Variants in CLSTN3 observed in about 807,000 individuals in gnomAD.
CLSTN3 encodes the protein calsyntenin 3, also known as calsyntenin-3.
In CLSTN3, 36 loss-of-function variants were observed where a neutral mutation model predicts 95.9. The ratio of observed to expected loss-of-function variants is 0.38; its 90% CI spans 0.29 to 0.50. The LOEUF (loss-of-function observed/expected upper bound fraction) is 0.50. CLSTN3 is among the 20% of genes least tolerant of loss of function. The pLI is 0.95. For missense variants in CLSTN3, 1,084 were observed against 1,268.8 expected (o/e 0.85, Z 2.21); for synonymous variants, 481 against 504.0 (o/e 0.95, Z 0.61).
Position 7,141,177 on chromosome 12 carries a change from G to C in CLSTN3, c.1324-65G>C. 6.5e-7 allele frequency: 1 copy of C among 1,536,234 alleles called. No individual in the cohort carries two copies. Among genetic ancestry groups the C allele is most frequent in the Non-Finnish European group, 8.9e-7 (1 of 1,127,338 alleles). On this transcript the variant is annotated intron_variant, in intron 8 of 17. Coordinates refer to ENST00000266546, the MANE Select transcript of CLSTN3 (RefSeq NM_014718.4). This position sits in a 1 kb window ranked among gnomAD's most constrained non-coding sequence, Gnocchi z 4.1. Reference sequence around the variant, plus strand: ...CCTGTCTCCCAGGAGATGGGGCAGTGCCTAGGGTTAGCTCTCTGAAGACGA... The same window carrying C: ...CCTGTCTCCCAGGAGATGGGGCAGTCCCTAGGGTTAGCTCTCTGAAGACGA...
Position 7,149,212 on chromosome 12 carries a change from C to T in CLSTN3, c.2074+14C>T, listed in dbSNP as rs901896547. ...GGCAGGGCACAGGTAAGGACGACTTCGGGGAGTAACACCATCCAGAGAACC... is the reference window on the plus strand; with the variant it reads ...GGCAGGGCACAGGTAAGGACGACTTTGGGGAGTAACACCATCCAGAGAACC... On this transcript the variant is annotated intron_variant, in intron 13 of 17. Coordinates refer to ENST00000266546, the MANE Select transcript of CLSTN3 (RefSeq NM_014718.4). The surrounding 1 kb of genome is among the most constrained non-coding windows in gnomAD (Gnocchi z 4.5). 6.6e-6 allele frequency: 10 copies of T among 1,524,168 alleles called. No homozygotes were observed. Among genetic ancestry groups the T allele is most frequent in the Admixed American group, 1.8e-5 (1 of 56,714 alleles). The allele number at this position is 1,524,168 out of a possible 1,614,324, so 94.4% of individuals were successfully genotyped here.
chr12:7,136,372 G>T lies in CLSTN3; in HGVS notation c.909G>T (p.Arg303=), dbSNP rs1392569228. 6.2e-7 allele frequency: 1 copy of T among 1,612,496 alleles called. No individual in the cohort carries two copies. The highest frequency in any genetic ancestry group is 2.2e-5 in the East Asian group (1 of 44,866). ...KGCDRDNYSE[R]ALRKLCGAAT... Reference sequence around the variant, plus strand: ...GTGACCGTGACAACTACTCAGAGCGGGCGCTGCGGAAACTCTGTGGTAGGT... The same window carrying T: ...GTGACCGTGACAACTACTCAGAGCGTGCGCTGCGGAAACTCTGTGGTAGGT... The change falls in exon 6 of 18, where the codon CGG becomes CGT. Residue 303 remains arginine, a synonymous_variant. Coordinates refer to ENST00000266546, the MANE Select transcript of CLSTN3 (RefSeq NM_014718.4).
chr12:7,156,525 T>A (rs1939819564), intron 16 of CLSTN3: 1 of 456,664 alleles, frequency 2.2e-6, no homozygotes, highest in Non-Finnish European at 4.4e-6. Context: ...CCCAGACGCG[T>A]TCCTTTACTC....
At position 7,133,215 on chromosome 12, in the gene CLSTN3, G is replaced by A; in HGVS notation, c.187+69G>A. On this transcript the variant is annotated intron_variant, in intron 2 of 17. Transcript: ENST00000266546. This position sits in a 1 kb window ranked among gnomAD's most constrained non-coding sequence, Gnocchi z 4.7. The stretch of plus-strand genomic sequence containing the variant: ...AAGTGGGTGGGAGGGCCAAGAGCAA[G>A]GGAGGGAGGGAAGGTCCTGGGAGTG... 3 of 1,565,414 alleles carry A rather than the reference G, an allele frequency of 1.9e-6. No homozygotes were observed.
rs1939351698 is a variant in CLSTN3 at position 7,133,751 on chromosome 12, C to A, written c.366C>A (p.Asn122Lys). Reference protein sequence around the residue: ...YDCGEGPDGANTKKSHKATVH... With the variant: ...YDCGEGPDGAKTKKSHKATVH... Reference sequence around the variant, plus strand: ...GTGGCGAGGGCCCCGACGGGGCCAACACCAAGAAGTCCCACAAGTGAGGAA... The same window carrying A: ...GTGGCGAGGGCCCCGACGGGGCCAAAACCAAGAAGTCCCACAAGTGAGGAA... The change falls in exon 3 of 18, where the codon AAC (asparagine) becomes AAA (lysine). Residue 122 changes from asparagine to lysine, a missense_variant. Asn to Lys is a moderately conservative substitution (Grantham distance 94). Coordinates refer to ENST00000266546, the MANE Select transcript of CLSTN3 (RefSeq NM_014718.4). This position sits in a 1 kb window ranked among gnomAD's most constrained non-coding sequence, Gnocchi z 4.7. The A allele has an allele frequency of 6.3e-7, 1 of 1,580,118 alleles. No homozygotes were observed. The highest frequency in any genetic ancestry group is 8.6e-7 in the Non-Finnish European group (1 of 1,166,470).
intron 5 of CLSTN3, 88 bp downstream of exon 5, chr12:7,136,041 G>T: frequency 6.5e-7 from 1 of 1,528,620 alleles, no homozygotes; most frequent in Non-Finnish European, 8.8e-7. Flanking sequence ...TGGGGGCCAG[G>T]CTAGGGCTTG....
At chr12:7,143,064 G>C in intron 11 of CLSTN3, 38 bp downstream of exon 11, 3 of 1,599,796 alleles carry the variant, frequency 1.9e-6, no homozygotes, top group Non-Finnish European at 2.6e-6. Context: ...TTCCCAGCAT[G>C]CCCCTTGCCC....
chr12:7,130,112 AC>A, upstream of CLSTN3: 1 of 169,830 alleles, frequency 5.9e-6, no homozygotes, highest in South Asian at 9.8e-5. Flanking sequence ...TCTCTTCCCC[AC>A]CCCCTGGCTT....
rs200459589 is a variant in CLSTN3 at position 7,158,112 on chromosome 12, A to T, written c.*31A>T. On this transcript the variant is annotated 3_prime_UTR_variant, in exon 18 of 18. Coordinates refer to ENST00000266546, the MANE Select transcript of CLSTN3 (RefSeq NM_014718.4). ...ACACCTCTCCCCACGCAGAGGGGGA[A>T]TTCTGCCCTGGTGAAACAGACACTC... 1.3e-4 allele frequency: 188 copies of T among 1,474,962 alleles called. No homozygotes were observed. The highest frequency in any genetic ancestry group is 1.6e-4 in the Non-Finnish European group (179 of 1,104,454). The allele number at this position is 1,474,962 out of a possible 1,614,324, so 91.4% of individuals were successfully genotyped here.
At position 7,139,040 on chromosome 12, in the gene CLSTN3, C is replaced by A. The variant is rs572009618; in HGVS notation, c.1323+973C>A. Among the ~76,000 whole-genome samples the A allele has an allele frequency of 2.5e-4, 38 of 152,246 alleles. No homozygotes were observed. The South Asian group carries it at 7.7e-3, about 31-fold the overall frequency. On this transcript the variant is annotated intron_variant, in intron 8 of 17. Coordinates refer to ENST00000266546, the MANE Select transcript of CLSTN3 (RefSeq NM_014718.4). The stretch of plus-strand genomic sequence containing the variant: ...ACCCTTGCTATCTTTCTTCAATTCA[C>A]CCTCATTTAATCAACCAGTATCTAT...
Position 7,135,935 on chromosome 12 carries a change from T to C in CLSTN3, c.724T>C (p.Cys242Arg). ...AEVEIQVKPT[C>R]KPSWQGWNKR... Reference sequence around the variant, plus strand: ...GGTGGAGATTCAGGTGAAGCCCACCTGTAAACCCAGCTGGCAAGGTGAGAG... The same window carrying C: ...GGTGGAGATTCAGGTGAAGCCCACCCGTAAACCCAGCTGGCAAGGTGAGAG... The change falls in exon 5 of 18, where the codon TGT becomes CGT. Residue 242 changes from cysteine to arginine, a missense_variant. By Grantham distance (180) the Cys-to-Arg change is radical. Coordinates refer to ENST00000266546, the MANE Select transcript of CLSTN3 (RefSeq NM_014718.4). 6.2e-7 allele frequency: 1 copy of C among 1,610,356 alleles called. No homozygotes were observed. Among genetic ancestry groups the C allele is most frequent in the Non-Finnish European group, 8.5e-7 (1 of 1,178,616 alleles).
intron 11 of CLSTN3, 43 bp from the exon 12 acceptor site, chr12:7,143,120 C>CCTCCTGGCCCTGCTCTCAGCTGTATT: frequency 1.2e-6 from 2 of 1,602,578 alleles, no homozygotes; most frequent in Non-Finnish European, 1.7e-6. Context: ...TCCTCTGCCA[C>CCTCCTGGCCCTGCTCTCAGCTGTATT]CTCCTGGCCC....
At chr12:7,138,141 A>G in intron 8 of CLSTN3, 74 bp downstream of exon 8, 6 of 1,158,174 alleles carry the variant, frequency 5.2e-6, no homozygotes, top group Non-Finnish European at 7.6e-6. Context: ...TTCTCTGGGC[A>G]GGGTCAGCAT....
chr12:7,137,990 G>C lies in CLSTN3; in HGVS notation c.1246G>C (p.Gly416Arg). 2 of 1,613,884 alleles carry C rather than the reference G, an allele frequency of 1.2e-6. No homozygotes were observed. The highest frequency in any genetic ancestry group is 1.1e-5 in the South Asian group (1 of 91,078). Residue 416 changes from glycine (G) to arginine (R), a missense_variant, in exon 8 of 18, where the codon GGC becomes CGC. Physicochemically the swap from Gly to Arg is moderately radical, Grantham distance 125. Transcript: ENST00000266546. This position sits in a 1 kb window ranked among gnomAD's most constrained non-coding sequence, Gnocchi z 4.4. The part of the protein sequence containing the change: ...GFSHYSLTVH[G>R]CRIAFLYWPL... ...CTCTCACTACTCGCTGACTGTCCAC[G>C]GCTGTAGGATTGCCTTCCTCTACTG...
At position 7,157,337 on chromosome 12, in the gene CLSTN3, G is replaced by C; in HGVS notation, c.2528-152G>C. On this transcript the variant is annotated intron_variant, in intron 16 of 17. Coordinates refer to ENST00000266546, the MANE Select transcript of CLSTN3 (RefSeq NM_014718.4). The surrounding 1 kb of genome is among the most constrained non-coding windows in gnomAD (Gnocchi z 5.9). Reference sequence around the variant, plus strand: ...TTCCTGGTGGGCTGTTTCTCTTCTGGCTTCTCCAGGTGTTCCTCTCTTCTC... The same window carrying C: ...TTCCTGGTGGGCTGTTTCTCTTCTGCCTTCTCCAGGTGTTCCTCTCTTCTC... 1 of 625,284 alleles carries C rather than the reference G, an allele frequency of 1.6e-6. No individual in the cohort carries two copies. Among genetic ancestry groups the C allele is most frequent in the Non-Finnish European group, 2.6e-6 (1 of 378,646 alleles). 38.7% of individuals were successfully genotyped at this position (625,284 alleles called of 1,614,324 possible).
Position 7,149,156 on chromosome 12 carries a change from C to T in CLSTN3, c.2032C>T (p.His678Tyr), listed in dbSNP as rs756578854. The T allele has an allele frequency of 4.3e-6, 7 of 1,614,152 alleles. No individual in the cohort carries two copies. The East Asian group carries it at 1.3e-4, about 31-fold the overall frequency. ...TCTTCAAATCACCTGCTCCATTTCTCACCAGGTGGAGGCCAAAAAGGATGA... is the reference window on the plus strand; with the variant it reads ...TCTTCAAATCACCTGCTCCATTTCTTACCAGGTGGAGGCCAAAAAGGATGA... ...PDLQITCSISHQVEAKKDESW... is the reference protein window; with the variant it reads ...PDLQITCSISYQVEAKKDESW... Residue 678 changes from histidine (H) to tyrosine (Y), a missense_variant, in exon 13 of 18, where the codon CAC (histidine) becomes TAC (tyrosine). Transcript: ENST00000266546. This position sits in a 1 kb window ranked among gnomAD's most constrained non-coding sequence, Gnocchi z 4.5.
At chr12:7,129,576 G>T, upstream of CLSTN3, 1 of 981,294 alleles carries the variant, frequency 1.0e-6, no homozygotes, top group South Asian at 4.7e-5. This position sits in a 1 kb window ranked among gnomAD's most constrained non-coding sequence, Gnocchi z 5.5. Context: ...CTCCCTCTGA[G>T]TCATCGATGA....
At position 7,158,056 on chromosome 12, in the gene CLSTN3, T is replaced by C; in HGVS notation, c.2846T>C (p.Ile949Thr). ...CCCAGCAGCGACGAGAGACGCATCA[T>C]CGAGACCCCCCCACACCGCTACTAA... ...DSPSSDERRI[I>T]ETPPHRY The change falls in exon 18 of 18, where the codon ATC becomes ACC. Residue 949 changes from isoleucine (I) to threonine (T), a missense_variant. Transcript: ENST00000266546. The C allele has an allele frequency of 6.5e-7, 1 of 1,543,232 alleles. No individual in the cohort carries two copies. Among genetic ancestry groups the C allele is most frequent in the Non-Finnish European group, 8.8e-7 (1 of 1,141,958 alleles).
Position 7,141,281 on chromosome 12 carries a change from G to A in CLSTN3, c.1363G>A (p.Glu455Lys), listed in dbSNP as rs906661473. 21 of 1,613,970 alleles carry A rather than the reference G, an allele frequency of 1.3e-5. No individual in the cohort carries two copies. Among genetic ancestry groups the A allele is most frequent in the Non-Finnish European group, 1.7e-5 (20 of 1,180,020 alleles). The change falls in exon 9 of 18, where the codon GAG (glutamate) becomes AAG (lysine). Residue 455 changes from glutamate (E) to lysine (K), a missense_variant. Transcript: ENST00000266546. This position sits in a 1 kb window ranked among gnomAD's most constrained non-coding sequence, Gnocchi z 4.1. ...GTGGCACCACTACGCTCTGAACCTC[G>A]AGTTCCCCACAGTCACACTCTATAC... ...DEWHHYALNL[E>K]FPTVTLYTDG...
Sources: allele counts gnomAD v4.1 joint callset (sites outside exome capture counted in the v4.1 genomes callset), GRCh38; gene constraint gnomAD v4.1.1; non-coding constraint Gnocchi (gnomAD v3.1); transcripts MANE v1.5; gene names NCBI Gene and HGNC (gene_info 2026-07-23, HGNC 2026-07-21).